The following GRIP1 variants were observed in gnomAD, a reference collection of about 807,000 sequenced individuals.
GRIP1 encodes glutamate receptor-interacting protein 1.
A neutral mutation model predicts 129.9 loss-of-function variants in GRIP1; 45 were observed. The observed-to-expected ratio is 0.35, with a 90% CI of 0.27 to 0.44. The LOEUF (loss-of-function observed/expected upper bound fraction) is 0.44, where lower values mean the gene tolerates loss of function less well. GRIP1 is among the 20% of genes least tolerant of loss of function. The probability of loss-of-function intolerance (pLI) is 1.00; values close to 1 mark genes in which losing one functional copy is unlikely to be tolerated. For synonymous variants in GRIP1, 530 were observed against 520.8 expected (o/e 1.02, Z -0.24); for missense variants, 1,196 against 1,396.8 (o/e 0.86, Z 2.29).
At chr12:66,825,330 C>G (rs2039391126) in intron 1 of GRIP1, among the ~76,000 whole-genome samples, 1 of 152,126 alleles carries the variant, frequency 6.6e-6, no homozygotes, top group Non-Finnish European at 1.5e-5. Context: ...CTCCATATGA[C>G]TTTACACAAA....
chr12:66,898,223 C>T (rs574692312), intron 1 of GRIP1, among the ~76,000 whole-genome samples: 3 of 152,274 alleles, frequency 2.0e-5, no homozygotes, highest in South Asian at 2.1e-4. Flanking sequence ...ACTAATATCC[C>T]GAGACACAGA....
intron 23 of GRIP1, among the ~76,000 whole-genome samples, chr12:66,370,902 C>T (rs534548465): frequency 6.6e-6 from 1 of 152,256 alleles, no homozygotes; most frequent in Non-Finnish European, 1.5e-5. Flanking sequence ...CTTGCCTTAT[C>T]CTGGCCCAAG....
chr12:66,631,057 A>G (rs2030722992), intron 1 of GRIP1, among the ~76,000 whole-genome samples: 1 of 151,974 alleles, frequency 6.6e-6, no homozygotes, highest in African/African-American at 2.4e-5. Context: ...TGCCTCAGCC[A>G]ACCAAGAGTA....
chr12:66,366,751 A>G (rs928712677), intron 23 of GRIP1, among the ~76,000 whole-genome samples: 6 of 152,202 alleles, frequency 3.9e-5, no homozygotes, highest in African/African-American at 1.4e-4. Context: ...TGGCTCAATC[A>G]CAGTTCACTG....
intron 1 of GRIP1, among the ~76,000 whole-genome samples, chr12:66,694,376 T>A (rs1383839313): frequency 1.3e-5 from 2 of 152,166 alleles, no homozygotes; most frequent in Non-Finnish European, 2.9e-5. Context: ...TGCAAAAAAA[T>A]GTGGAAACAG....
At chr12:67,054,480 G>C (rs971786114) in intron 1 of GRIP1, among the ~76,000 whole-genome samples, 2 of 152,014 alleles carry the variant, frequency 1.3e-5, no homozygotes, top group Non-Finnish European at 2.9e-5. Flanking sequence ...ACTACAGCTG[G>C]GGGCCAGGTG....
At chr12:66,437,245 T>C (rs111262638) in intron 13 of GRIP1, among the ~76,000 whole-genome samples, 1 of 152,228 alleles carries the variant, frequency 6.6e-6, no homozygotes, top group Non-Finnish European at 1.5e-5. Context: ...TCCCCACCAA[T>C]GTCCCAAGTT....
intron 11 of GRIP1, among the ~76,000 whole-genome samples, chr12:66,452,533 A>G (rs911757476): frequency 6.6e-6 from 1 of 152,058 alleles, no homozygotes; most frequent in Admixed American, 6.5e-5. Context: ...TTTTCTGGGC[A>G]TCTCCTTCCT....
chr12:66,504,652 C>G (rs1241333633), intron 7 of GRIP1, among the ~76,000 whole-genome samples: 2 of 152,098 alleles, frequency 1.3e-5, no homozygotes, highest in African/African-American at 4.8e-5. Context: ...ACCAGTTAAT[C>G]AGAGATGACA....
intron 23 of GRIP1, among the ~76,000 whole-genome samples, chr12:66,356,050 G>A (rs1344342516): frequency 6.6e-6 from 1 of 152,204 alleles, no homozygotes; most frequent in Non-Finnish European, 1.5e-5. Context: ...TCGACACTGT[G>A]TGGACACGAG....
chr12:66,829,828 G>A (rs1442582356), intron 1 of GRIP1, among the ~76,000 whole-genome samples: 2 of 152,152 alleles, frequency 1.3e-5, no homozygotes, highest in Non-Finnish European at 2.9e-5. Flanking sequence ...CACAGAGCTG[G>A]TTAGGAAAGG....
At chr12:67,049,446 C>A (rs916864015) in intron 1 of GRIP1, among the ~76,000 whole-genome samples, 1 of 152,166 alleles carries the variant, frequency 6.6e-6, no homozygotes, top group Non-Finnish European at 1.5e-5. Flanking sequence ...TCATTCTCTG[C>A]AAACTAACAC....
rs140595382 is a variant in GRIP1, at chr12:66,606,655, A to T, written c.56-9728T>A. ...ACAGATAATTCCATTTTACAAAAGGAGTAGTGGTTTTAAGAAAGAATTTGT... is the reference window on the plus strand; with the variant it reads ...ACAGATAATTCCATTTTACAAAAGGTGTAGTGGTTTTAAGAAAGAATTTGT... On this transcript the variant is annotated intron_variant, in intron 1 of 24. Transcript: ENST00000359742. Among the ~76,000 whole-genome samples, 1,161 of 152,316 alleles carry T rather than the reference A, an allele frequency of 7.6e-3. 9 individuals carry two copies. Among genetic ancestry groups the T allele is most frequent in the Non-Finnish European group, 0.014 (943 of 68,012 alleles).
chr12:66,424,657 C>T (rs2057922095), intron 14 of GRIP1, among the ~76,000 whole-genome samples: 1 of 152,140 alleles, frequency 6.6e-6, no homozygotes, highest in South Asian at 2.1e-4. Context: ...TCAACAGCAT[C>T]CAGAGGTAAG....
chr12:66,814,589 T>TAAAAAAAAAAA (rs79461500), intron 1 of GRIP1, among the ~76,000 whole-genome samples: 2 of 108,422 alleles, frequency 1.8e-5, no homozygotes, highest in Non-Finnish European at 1.9e-5. Flanking sequence ...AGTGATACCA[T>TAAAAAAAAAAA]AAAAAAAAAA....
At chr12:66,478,551 T>G (rs1381998096) in intron 7 of GRIP1, among the ~76,000 whole-genome samples, 2 of 152,202 alleles carry the variant, frequency 1.3e-5, no homozygotes, top group Non-Finnish European at 2.9e-5. Context: ...GGATTATAAA[T>G]CATGCTGCTG....
Position 66,717,999 on chromosome 12 carries a change from G to C in GRIP1, c.-420+86054C>G, listed in dbSNP as rs76607867. On this transcript the variant is annotated intron_variant, in intron 1 of 4. Transcript: ENST00000538373. ...GGACATAGGAACAATGATCAAATCA[G>C]TGCTGTGCAGGGTCATCACAACACA... Among the ~76,000 whole-genome samples the C allele has an allele frequency of 2.5e-4, 38 of 152,190 alleles. No individual in the cohort carries two copies. In the East Asian group the frequency reaches 6.8e-3, roughly 27 times the overall value.
At chr12:66,529,680 A>G in intron 5 of GRIP1, 151 bp downstream of exon 5, 1 of 644,932 alleles carries the variant, frequency 1.6e-6, no homozygotes, top group East Asian at 2.7e-5. Flanking sequence ...AATTGGGTTC[A>G]GTGTATACTG....
At chr12:66,654,532 T>C (rs1019141130) in intron 1 of GRIP1, among the ~76,000 whole-genome samples, 1 of 152,130 alleles carries the variant, frequency 6.6e-6, no homozygotes, top group Non-Finnish European at 1.5e-5. Context: ...TAGGAGTAGT[T>C]GGAGAGAGAA....
Sources: allele counts gnomAD v4.1 joint callset (sites outside exome capture counted in the v4.1 genomes callset), GRCh38; gene constraint gnomAD v4.1.1; transcripts MANE v1.5; gene names NCBI Gene and HGNC (gene_info 2026-07-23, HGNC 2026-07-21).